The following DOCK3 variants were observed in gnomAD, a reference collection of about 807,000 sequenced individuals.
The protein encoded by DOCK3 is dedicator of cytokinesis protein 3.
Under a neutral mutation model 265.6 loss-of-function variants are expected in DOCK3, and 60 were observed. That is an observed-to-expected ratio of 0.23 (90% confidence interval 0.18 to 0.28). The LOEUF (loss-of-function observed/expected upper bound fraction) is 0.28. DOCK3 is among the 10% of genes least tolerant of loss of function. The pLI, the probability that DOCK3 is intolerant of heterozygous loss-of-function variation, is 1.00. For synonymous variants in DOCK3, 881 were observed against 938.0 expected (o/e 0.94, Z 1.11); for missense variants, 1,981 against 2,594.3 (o/e 0.76, Z 5.14).
intron 5 of DOCK3, among the ~76,000 whole-genome samples, chr3:50,997,463 G>A (rs1452352914): frequency 1.3e-5 from 2 of 152,080 alleles, no homozygotes; most frequent in Admixed American, 1.3e-4. Context: ...ATGATGTTGG[G>A]ATTAGGTGTA....
intron 10 of DOCK3, among the ~76,000 whole-genome samples, chr3:51,147,149 T>G (rs1250688754): frequency 6.6e-6 from 1 of 151,826 alleles, no homozygotes; most frequent in East Asian, 1.9e-4. Flanking sequence ...ATGACATAGG[T>G]CTTTCTTACT....
At chr3:51,218,468 C>T (rs1176415020) in intron 14 of DOCK3, among the ~76,000 whole-genome samples, 2 of 152,130 alleles carry the variant, frequency 1.3e-5, no homozygotes, top group Non-Finnish European at 2.9e-5. Flanking sequence ...AAACCTCTTG[C>T]TCAAGAAGGG....
At chr3:51,252,941 A>C (rs370548905) in intron 22 of DOCK3, among the ~76,000 whole-genome samples, 1 of 152,174 alleles carries the variant, frequency 6.6e-6, no homozygotes, top group Non-Finnish European at 1.5e-5. Flanking sequence ...GTCTTGTGCC[A>C]GTTTTCAAAG....
chr3:50,782,440 G>A (rs934838604), intron 2 of DOCK3, among the ~76,000 whole-genome samples: 2 of 150,892 alleles, frequency 1.3e-5, no homozygotes, highest in Admixed American at 6.6e-5. Flanking sequence ...ACAGGCGCCC[G>A]CTACCACGCC....
At chr3:50,782,576 A>AGT (rs145578993) in intron 2 of DOCK3, among the ~76,000 whole-genome samples, 8,270 of 147,236 alleles carry the variant, frequency 0.056, 742 homozygotes, top group East Asian at 0.32. Flanking sequence ...TTATTTTTTG[A>AGT]GTGTGTGTGT....
Position 51,164,349 on chromosome 3 carries a change from G to A in DOCK3, c.1037+3647G>A, listed in dbSNP as rs1052333597. ...CAAAATAAAGAGATTCAGGCCGGGC[G>A]CGGTGGCTCACGCCTGTAATCCCAG... On this transcript the variant is annotated intron_variant, in intron 12 of 52. Transcript: ENST00000266037. Among the ~76,000 whole-genome samples, 21 of 152,258 alleles carry A rather than the reference G, an allele frequency of 1.4e-4. 1 individual carries two copies. Among genetic ancestry groups the A allele is most frequent in the Admixed American group, 6.5e-4 (10 of 15,286 alleles).
intron 28 of DOCK3, among the ~76,000 whole-genome samples, chr3:51,311,371 C>G (rs968399818): frequency 6.6e-6 from 1 of 152,218 alleles, no homozygotes; most frequent in African/African-American, 2.4e-5. Flanking sequence ...TACTGTCCCA[C>G]TAGACTTCCT....
At chr3:50,905,690 C>A (rs1559795497) in intron 4 of DOCK3, among the ~76,000 whole-genome samples, 2 of 152,142 alleles carry the variant, frequency 1.3e-5, no homozygotes, top group East Asian at 3.9e-4. Context: ...TCTAAATATA[C>A]AATCATGTCA....
chr3:51,198,862 G>A (rs1427524248), intron 12 of DOCK3, among the ~76,000 whole-genome samples: 1 of 151,954 alleles, frequency 6.6e-6, no homozygotes. Flanking sequence ...AAGCCTGTCT[G>A]TACTAAAAAT....
At chr3:51,365,797 C>T (rs2087108223) in intron 49 of DOCK3, among the ~76,000 whole-genome samples, 1 of 152,134 alleles carries the variant, frequency 6.6e-6, no homozygotes, top group Non-Finnish European at 1.5e-5. Context: ...GTTTATTGAT[C>T]TGCATATGTT....
At chr3:50,995,040 G>A (rs6446244) in intron 5 of DOCK3, among the ~76,000 whole-genome samples, 145,227 of 152,260 alleles carry the variant, frequency 0.95, 69,678 homozygotes, top group East Asian at 1. Flanking sequence ...TAAATAACTC[G>A]ATATTTATCT....
intron 27 of DOCK3, among the ~76,000 whole-genome samples, chr3:51,302,203 G>A (rs771694575): frequency 1.3e-5 from 2 of 151,584 alleles, no homozygotes; most frequent in Non-Finnish European, 2.9e-5. Context: ...ATCTTTTTTT[G>A]TCTTTGTTGG....
intron 27 of DOCK3, among the ~76,000 whole-genome samples, chr3:51,280,822 A>G (rs2081068655): frequency 6.6e-6 from 1 of 152,162 alleles, no homozygotes; most frequent in South Asian, 2.1e-4. Context: ...TGAGCCCAGA[A>G]ATAATTTTTT....
intron 9 of DOCK3, among the ~76,000 whole-genome samples, chr3:51,115,630 A>C (rs2083702156): frequency 6.6e-6 from 1 of 152,182 alleles, no homozygotes; most frequent in Non-Finnish European, 1.5e-5. Context: ...TTTGCTGTGC[A>C]GAAGCTCTTT....
intron 14 of DOCK3, among the ~76,000 whole-genome samples, chr3:51,216,191 G>C (rs1245673669): frequency 3.9e-5 from 6 of 152,192 alleles, no homozygotes. Flanking sequence ...TTAAAACCAA[G>C]TGATCAGAGA....
At chr3:50,969,764 G>C (rs958950423) in intron 5 of DOCK3, among the ~76,000 whole-genome samples, 2 of 152,082 alleles carry the variant, frequency 1.3e-5, no homozygotes, top group Non-Finnish European at 2.9e-5. Flanking sequence ...ATTCATGATT[G>C]ACACTTTTTT....
chr3:51,099,313 A>AATAT (rs1224797012), intron 9 of DOCK3, among the ~76,000 whole-genome samples: 1 of 152,224 alleles, frequency 6.6e-6, no homozygotes, highest in Non-Finnish European at 1.5e-5. Flanking sequence ...TTCATCTGAA[A>AATAT]ATAAGATCAG....
intron 5 of DOCK3, among the ~76,000 whole-genome samples, chr3:51,009,947 C>T (rs2078873767): frequency 1.3e-5 from 2 of 152,118 alleles, no homozygotes; most frequent in Admixed American, 1.3e-4. Context: ...TTTCTTAATC[C>T]TGAGTTCTAG....
At chr3:50,971,113 T>A (rs1283255493) in intron 5 of DOCK3, among the ~76,000 whole-genome samples, 1 of 150,072 alleles carries the variant, frequency 6.7e-6, no homozygotes, top group Non-Finnish European at 1.5e-5. Flanking sequence ...TACAGCTGTG[T>A]GTCATCATGC....
Sources: gnomAD v4.1 joint callset for allele counts (sites outside exome capture counted in the v4.1 genomes callset) on GRCh38, gnomAD v4.1.1 for gene constraint, MANE v1.5 for transcripts, NCBI Gene and HGNC (gene_info 2026-07-23, HGNC 2026-07-21) for gene names.